OTOG: variants seen among roughly 807,000 people sequenced by gnomAD.
OTOG encodes otogelin.
Under a neutral mutation model 313.8 loss-of-function variants are expected in OTOG, and 296 were observed. The observed-to-expected ratio is 0.94, with a 90% CI of 0.86 to 1.04. The LOEUF is 1.04. Ranked by LOEUF, OTOG falls within the 50% of genes least tolerant of loss-of-function variation. The probability of loss-of-function intolerance (pLI) is 0.00; values close to 1 mark genes in which losing one functional copy is unlikely to be tolerated. For missense variants in OTOG, 3,948 were observed against 3,840.1 expected (o/e 1.03, Z -0.74); for synonymous variants, 1,533 against 1,554.9 (o/e 0.99, Z 0.33).
intron 4 of OTOG, among the ~76,000 whole-genome samples, chr11:17,552,333 G>A (rs1460327559): frequency 6.6e-6 from 1 of 152,200 alleles, no homozygotes; most frequent in African/African-American, 2.4e-5. Flanking sequence ...TGACTCCAGT[G>A]AGACTGTGCT....
At chr11:17,620,509 A>G (rs1459748243) in intron 39 of OTOG, among the ~76,000 whole-genome samples, 1 of 152,128 alleles carries the variant, frequency 6.6e-6, no homozygotes, top group East Asian at 1.9e-4. Flanking sequence ...CATTTAAGCT[A>G]TTTCCATATT....
chr11:17,570,411 AC>A (rs942716086), intron 17 of OTOG, 21 bp downstream of exon 17: 1 of 1,549,048 alleles, frequency 6.5e-7, no homozygotes, highest in African/African-American at 1.4e-5. Flanking sequence ...CTGCCACGGA[AC>A]CCGAAGAAGA....
At chr11:17,638,767 C>G in intron 48 of OTOG, 1 of 1,534,076 alleles carries the variant, frequency 6.5e-7, no homozygotes, top group Non-Finnish European at 8.8e-7. Context: ...AAGGAAAAAG[C>G]AAGTTTCCCA....
chr11:17,570,350 C>T lies in OTOG; in HGVS notation c.1915C>T (p.Leu639Phe). 6.4e-7 allele frequency: 1 copy of T among 1,550,594 alleles called. No individual in the cohort carries two copies. The highest frequency in any genetic ancestry group is 1.4e-5 in the African/African-American group (1 of 73,134). The change falls in exon 17 of 56, where the codon CTC (leucine) becomes TTC (phenylalanine). Residue 639 changes from leucine (L) to phenylalanine (F), a missense_variant. Coordinates refer to ENST00000399397, the MANE Select transcript of OTOG (RefSeq NM_001292063.2). ...DQRWVEDTVG[L>F]CGTFNGNTQD... ...GCGATGGGTGGAGGATACCGTGGGCCTCTGCGGCACCTTCAATGGCAACAC... is the reference window on the plus strand; with the variant it reads ...GCGATGGGTGGAGGATACCGTGGGCTTCTGCGGCACCTTCAATGGCAACAC...
Position 17,610,969 on chromosome 11 carries a change from T to C in OTOG, c.5669T>C (p.Val1890Ala). ...ATLPTSGVLP[V>A]AEGTASMVSV... ...TTGCCAACCTCTGGAGTCCTGCCTG[T>C]GGCTGAGGGCACGGCCTCCATGGTA... Residue 1890 changes from valine (V) to alanine (A), a missense_variant, in exon 36 of 56, where the codon GTG becomes GCG. Physicochemically the swap from Val to Ala is moderately conservative, Grantham distance 64. Transcript: ENST00000399397. The C allele has an allele frequency of 6.4e-7, 1 of 1,550,536 alleles. No homozygotes were observed. Among genetic ancestry groups the C allele is most frequent in the Non-Finnish European group, 8.7e-7 (1 of 1,146,988 alleles).
intron 54 of OTOG, among the ~76,000 whole-genome samples, chr11:17,643,951 C>T (rs983581973): frequency 4.6e-5 from 7 of 152,364 alleles, no homozygotes; most frequent in Middle Eastern, 3.4e-3. Flanking sequence ...CTCTCCTCCA[C>T]GGGTTAGTGT....
At chr11:17,581,304 G>T (rs1852660172) in intron 23 of OTOG, among the ~76,000 whole-genome samples, 1 of 152,160 alleles carries the variant, frequency 6.6e-6, no homozygotes. Flanking sequence ...GCCCCATCCA[G>T]CAGGAGAAAG....
intron 53 of OTOG, among the ~76,000 whole-genome samples, chr11:17,643,236 A>G (rs577576187): frequency 6.6e-6 from 1 of 152,344 alleles, no homozygotes; most frequent in East Asian, 1.9e-4. Flanking sequence ...GCCCTGTACC[A>G]TCTTGACCCA....
chr11:17,613,233 T>TTCTTTCTTTCTTTCTC (rs1565118925), intron 38 of OTOG, among the ~76,000 whole-genome samples: 1 of 131,926 alleles, frequency 7.6e-6, no homozygotes, highest in Non-Finnish European at 1.6e-5. Context: ...CTTTCTTTCT[T>TTCTTTCTTTCTTTCTC]TCTTTCTTTC....
chr11:17,609,567 C>A, intron 35 of OTOG, 88 bp from the exon 36 acceptor site: 1 of 1,240,014 alleles, frequency 8.1e-7, no homozygotes, highest in Non-Finnish European at 1.1e-6. Flanking sequence ...AGTGCCAGTC[C>A]TCAAGCCTCA....
chr11:17,559,019 TG>T, intron 10 of OTOG, 32 bp from the exon 11 acceptor site: 1 of 1,520,526 alleles, frequency 6.6e-7, no homozygotes, highest in Non-Finnish European at 8.9e-7. Flanking sequence ...CTTTGGGTTT[TG>T]TTCCAGTGTG....
Position 17,555,818 on chromosome 11 carries a change from T to G in OTOG, c.580T>G (p.Cys194Gly). The G allele has an allele frequency of 1.9e-6, 3 of 1,550,774 alleles. No homozygotes were observed. Among genetic ancestry groups the G allele is most frequent in the Non-Finnish European group, 2.6e-6 (3 of 1,147,040 alleles). ...GCAGTGTGGCTCTTCACCCTACACC[T>G]GCTCCAGGGCTGTCAGCCTCTTCTT... ...DPQCGSSPYT[C>G]SRAVSLFFVG... Residue 194 changes from cysteine (C) to glycine (G), a missense_variant, in exon 7 of 56, where the codon TGC (cysteine) becomes GGC (glycine). Physicochemically the swap from Cys to Gly is radical, Grantham distance 159. Transcript: ENST00000399397.
chr11:17,610,270 C>A lies in OTOG; in HGVS notation c.4970C>A (p.Ser1657Tyr). 1 of 1,550,638 alleles carries A rather than the reference C, an allele frequency of 6.4e-7. No individual in the cohort carries two copies. The highest frequency in any genetic ancestry group is 1.2e-5 in the South Asian group (1 of 84,062). ...GCTTCCCCTGGAGCCATCTCCAGGT[C>A]CCCCACCTCCTCGGGATCCCACAAG... ...PVASPGAISR[S>Y]PTSSGSHKAV... The change falls in exon 36 of 56, where the codon TCC (serine) becomes TAC (tyrosine). Residue 1657 changes from serine (S) to tyrosine (Y), a missense_variant. By Grantham distance (144) the Ser-to-Tyr change is moderately radical. Coordinates refer to ENST00000399397, the MANE Select transcript of OTOG (RefSeq NM_001292063.2).
chr11:17,581,488 G>A (rs1171315363), intron 23 of OTOG, among the ~76,000 whole-genome samples: 1 of 152,078 alleles, frequency 6.6e-6, no homozygotes, highest in Non-Finnish European at 1.5e-5. Context: ...AAATTGGCTG[G>A]GCCAATAGAA....
chr11:17,559,105 C>A lies in OTOG; in HGVS notation c.1157C>A (p.Ala386Glu). 6.5e-7 allele frequency: 1 copy of A among 1,545,454 alleles called. No individual in the cohort carries two copies. Residue 386 changes from alanine (A) to glutamate (E), a missense_variant, in exon 11 of 56, where the codon GCG (alanine) becomes GAG (glutamate). Transcript: ENST00000399397. The stretch of plus-strand genomic sequence containing the variant: ...CGGGCACTGGCGGAGTATGCCCGGG[C>A]GTGTGCCCAGGCAGGGCGGCCCTTG... ...WCRALAEYARACAQAGRPLQG... is the reference protein window; with the variant it reads ...WCRALAEYARECAQAGRPLQG...
intron 31 of OTOG, among the ~76,000 whole-genome samples, chr11:17,600,857 C>T (rs1044762101): frequency 1.3e-5 from 2 of 152,180 alleles, no homozygotes; most frequent in African/African-American, 4.8e-5. Flanking sequence ...TTCCACCTAC[C>T]CACCCACCCA....
intron 3 of OTOG, among the ~76,000 whole-genome samples, chr11:17,549,856 G>A (rs926252190): frequency 2.0e-5 from 3 of 152,208 alleles, no homozygotes; most frequent in South Asian, 4.2e-4. Flanking sequence ...GGAGTTGGGG[G>A]GTGGGGGACT....
intron 28 of OTOG, among the ~76,000 whole-genome samples, chr11:17,595,470 G>T (rs1697599749): frequency 6.6e-6 from 1 of 152,182 alleles, no homozygotes; most frequent in African/African-American, 2.4e-5. Context: ...AGTTTCTGTG[G>T]GCCAGGAGTC....
intron 24 of OTOG, 53 bp from the exon 25 acceptor site, chr11:17,591,397 T>A (rs1307227223): frequency 6.5e-7 from 1 of 1,543,752 alleles, no homozygotes; most frequent in Non-Finnish European, 8.8e-7. Context: ...TCATGAGTAT[T>A]CAGGTATGGG....
Sources: gnomAD v4.1 joint callset for allele counts (sites outside exome capture counted in the v4.1 genomes callset) on GRCh38, gnomAD v4.1.1 for gene constraint, MANE v1.5 for transcripts, NCBI Gene and HGNC (gene_info 2026-07-23, HGNC 2026-07-21) for gene names.